Variants in TNFSF13B observed in about 807,000 individuals in gnomAD.
The protein encoded by TNFSF13B is TNF superfamily member 13b, also known as tumor necrosis factor ligand superfamily member 13B.
A neutral mutation model predicts 29.1 loss-of-function variants in TNFSF13B; 8 were observed. The ratio of observed to expected loss-of-function variants is 0.27; its 90% CI spans 0.16 to 0.50. TNFSF13B has a LOEUF of 0.50. Among genes scored for constraint, TNFSF13B ranks in the 20% least tolerant of loss-of-function variants. TNFSF13B has a pLI of 0.98. For missense variants in TNFSF13B, 248 were observed against 334.9 expected, an observed-to-expected ratio of 0.74 and a Z score of 2.03; for synonymous variants, 125 against 130.8, an observed-to-expected ratio of 0.96 and a Z score of 0.30.
intron 5 of TNFSF13B, among the ~76,000 whole-genome samples, chr13:108,305,812 G>A (rs748204449): frequency 2.6e-5 from 4 of 152,100 alleles, no homozygotes; most frequent in Non-Finnish European, 2.9e-5. Flanking sequence ...CATAGTAAAT[G>A]TTCAATAAAT....
At chr13:108,301,573 T>G (rs1881624159) in intron 3 of TNFSF13B, among the ~76,000 whole-genome samples, 1 of 152,134 alleles carries the variant, frequency 6.6e-6, no homozygotes, top group Non-Finnish European at 1.5e-5. Context: ...CTGACATATA[T>G]GTGGAATCTA....
intron 5 of TNFSF13B, among the ~76,000 whole-genome samples, chr13:108,304,151 G>A (rs1038445353): frequency 3.9e-5 from 6 of 152,152 alleles, no homozygotes; most frequent in African/African-American, 1.4e-4. Context: ...CTCCGCACCG[G>A]GAGCAACCAA....
chr13:108,280,299 A>G (rs1210293126), intron 2 of TNFSF13B, among the ~76,000 whole-genome samples: 1 of 152,168 alleles, frequency 6.6e-6, no homozygotes, highest in Non-Finnish European at 1.5e-5. Context: ...TTATATATCC[A>G]CTCAGAGAGA....
chr13:108,294,402 ACTT>A (rs1881410014), intron 3 of TNFSF13B, among the ~76,000 whole-genome samples: 1 of 151,618 alleles, frequency 6.6e-6, no homozygotes. Flanking sequence ...CTGATCTCGA[ACTT>A]CTGACCTCAA....
intron 3 of TNFSF13B, among the ~76,000 whole-genome samples, chr13:108,288,362 T>A (rs1189901478): frequency 2.0e-5 from 3 of 152,200 alleles, no homozygotes; most frequent in Non-Finnish European, 4.4e-5. Context: ...AATGGAGTTA[T>A]GTCCTGATAA....
chr13:108,294,692 G>C (rs925644495), intron 3 of TNFSF13B, among the ~76,000 whole-genome samples: 2 of 109,502 alleles, frequency 1.8e-5, no homozygotes, highest in Non-Finnish European at 2.1e-5. Context: ...TGGTGTCTTT[G>C]TGTGGCATTG....
Position 108,269,729 on chromosome 13 carries a change from TGCAGAAAG to T in TNFSF13B, c.-157_-150del, listed in dbSNP as rs1319271205. On this transcript the variant is annotated 5_prime_UTR_variant, in exon 1 of 6. It introduces an in-frame stop codon into an upstream open reading frame of the 5' UTR. Coordinates refer to ENST00000375887, the MANE Select transcript of TNFSF13B (RefSeq NM_006573.5). ...ACCTACTGTACAGTAGGGGTAGAGA[TGCAGAAAG>T]GCAGAAAGGAGAAAATTCAGGATAA... 16 of 641,432 alleles carry T rather than the reference TGCAGAAAG, an allele frequency of 2.5e-5. No individual in the cohort carries two copies. The highest frequency in any genetic ancestry group is 9.6e-5 in the South Asian group (5 of 51,832). The allele number at this position is 641,432 out of a possible 1,614,324, so 39.7% of individuals were successfully genotyped here.
intron 2 of TNFSF13B, among the ~76,000 whole-genome samples, chr13:108,274,546 T>C (rs1391881541): frequency 6.6e-6 from 1 of 152,116 alleles, no homozygotes. Context: ...AGGAAATTCA[T>C]TTGAATGTTG....
intron 3 of TNFSF13B, among the ~76,000 whole-genome samples, chr13:108,302,622 C>T (rs1452568181): frequency 6.6e-6 from 1 of 152,166 alleles, no homozygotes; most frequent in Non-Finnish European, 1.5e-5. Context: ...CTCCTTGTCA[C>T]TACCCAAGTG....
intron 2 of TNFSF13B, among the ~76,000 whole-genome samples, chr13:108,284,310 C>A (rs1373169585): frequency 1.3e-5 from 2 of 151,994 alleles, no homozygotes; most frequent in Non-Finnish European, 2.9e-5. Flanking sequence ...GCCTGGGCGA[C>A]AGAGCGAGAC....
rs1881821811 is a variant in TNFSF13B, at chr13:108,307,816, C to T, written c.*878C>T. 1 of 152,026 alleles carries T rather than the reference C, an allele frequency of 6.6e-6. No homozygotes were observed. Among genetic ancestry groups the T allele is most frequent in the Non-Finnish European group, 1.5e-5 (1 of 67,954 alleles). 9.4% of individuals were successfully genotyped at this position (152,026 alleles called of 1,614,324 possible). On this transcript the variant is annotated 3_prime_UTR_variant, in exon 6 of 6. Transcript: ENST00000375887. ...TAATGTAATTTCCCTTTATTTCTTG[C>T]TCTTCTGTTTCAAACTGCTGCTATT...
intron 2 of TNFSF13B, among the ~76,000 whole-genome samples, chr13:108,277,884 G>A (rs928884988): frequency 1.3e-5 from 2 of 152,034 alleles, no homozygotes; most frequent in Admixed American, 1.3e-4. Context: ...ACGCCTTTGT[G>A]ACCTGTATTT....
chr13:108,281,697 G>A (rs8181791), intron 2 of TNFSF13B, among the ~76,000 whole-genome samples: 95,882 of 151,982 alleles, frequency 0.63, 30,484 homozygotes, highest in East Asian at 0.73. Flanking sequence ...TGTACTTCTC[G>A]ATCTAGTTTT....
upstream of TNFSF13B, chr13:108,269,705 C>G (rs569139418): frequency 1.9e-4 from 100 of 523,898 alleles, 3 homozygotes; most frequent in South Asian, 2.8e-3. Context: ...TGCCAGCAAA[C>G]CTACTGTACA....
chr13:108,298,999 C>T lies in TNFSF13B; in HGVS notation c.482-4254C>T, dbSNP rs182263349. 1.3e-3 allele frequency among the ~76,000 whole-genome samples: 184 copies of T among 139,626 alleles called. 24 individuals are homozygous for T. The highest frequency in any genetic ancestry group is 3.6e-3 in the Middle Eastern group (1 of 280). 91.6% of individuals were successfully genotyped at this position (139,626 alleles called of 152,430 possible). On this transcript the variant is annotated intron_variant, in intron 3 of 5. Transcript: ENST00000375887. Reference sequence around the variant, plus strand: ...AACAAACAAACAAACAAAAAACAAACAAACAAACAAAACATTGCATTGAAT... The same window carrying T: ...AACAAACAAACAAACAAAAAACAAATAAACAAACAAAACATTGCATTGAAT...
intron 3 of TNFSF13B, among the ~76,000 whole-genome samples, chr13:108,292,347 G>A (rs1427916907): frequency 2.6e-5 from 4 of 152,042 alleles, no homozygotes; most frequent in East Asian, 1.9e-4. Flanking sequence ...TTATAAGTAA[G>A]CCATAATTTC....
At chr13:108,303,744 T>G in intron 5 of TNFSF13B, 140 bp downstream of exon 5, 1 of 875,944 alleles carries the variant, frequency 1.1e-6, no homozygotes, top group South Asian at 1.8e-5. Context: ...ATATTGTGTT[T>G]TTTAAATCTT....
intron 2 of TNFSF13B, among the ~76,000 whole-genome samples, chr13:108,273,873 G>A (rs1332260751): frequency 2.6e-5 from 4 of 152,080 alleles, no homozygotes; most frequent in South Asian, 2.1e-4. Context: ...TTTGAACCGC[G>A]AGGGTCCCCT....
chr13:108,297,385 A>G (rs1418671473), intron 3 of TNFSF13B, among the ~76,000 whole-genome samples: 1 of 145,516 alleles, frequency 6.9e-6, no homozygotes, highest in Non-Finnish European at 1.5e-5. Flanking sequence ...CCTTGTCATT[A>G]TCTTTTAATA....
Sources: gnomAD v4.1 joint callset for allele counts (sites outside exome capture counted in the v4.1 genomes callset) on GRCh38, gnomAD v4.1.1 for gene constraint, MANE v1.5 for transcripts, NCBI Gene and HGNC (gene_info 2026-07-23, HGNC 2026-07-21) for gene names.